Variants in DOCK4 observed in about 807,000 individuals in gnomAD.
DOCK4 encodes the protein dedicator of cytokinesis 4.
In DOCK4, 97 loss-of-function variants were observed where a neutral mutation model predicts 268.1. The ratio of observed to expected loss-of-function variants is 0.36; its 90% confidence interval spans 0.31 to 0.43. DOCK4 has a LOEUF of 0.43. Ranked by LOEUF, DOCK4 falls within the 20% of genes least tolerant of loss-of-function variation. DOCK4 has a pLI of 1.00. For synonymous variants in DOCK4, 954 were observed against 887.2 expected, an observed-to-expected ratio of 1.08 and a Z score of -1.34; for missense variants, 2,145 against 2,455.7, an observed-to-expected ratio of 0.87 and a Z score of 2.67.
Position 111,811,824 on chromosome 7 carries a change from A to G in DOCK4, c.3006+50T>C, listed in dbSNP as rs1411002846. ...AATGTTAGGTAATTTCCTATAATACAATGTGATTCTTTTAGCCCAAGCAGG... is the reference window on the plus strand; with the variant it reads ...AATGTTAGGTAATTTCCTATAATACGATGTGATTCTTTTAGCCCAAGCAGG... On this transcript the variant is annotated intron_variant, in intron 28 of 52. Coordinates refer to ENST00000428084, the MANE Select transcript of DOCK4 (RefSeq NM_001363540.2). The G allele has an allele frequency of 4.6e-6, 5 of 1,083,062 alleles. No individual in the cohort carries two copies. In the Admixed American group the frequency reaches 9.0e-5, roughly 19 times the overall value. The allele number at this position is 1,083,062 out of a possible 1,614,324, so 67.1% of individuals were successfully genotyped here. A position where few individuals can be genotyped will look rare whatever the true frequency, so the allele number is the denominator to read the frequency against.
At chr7:111,923,320 C>A (rs546680619) in intron 12 of DOCK4, among the ~76,000 whole-genome samples, 116 of 152,290 alleles carry the variant, frequency 7.6e-4, no homozygotes, top group African/African-American at 2.4e-3. Flanking sequence ...CAAGCAATGA[C>A]TGTAACAGTT....
At chr7:111,815,451 C>T (rs1215814773) in intron 27 of DOCK4, among the ~76,000 whole-genome samples, 3 of 152,046 alleles carry the variant, frequency 2.0e-5, no homozygotes, top group African/African-American at 7.2e-5. Flanking sequence ...TCAATTTATC[C>T]AAAACCATGT....
intron 8 of DOCK4, among the ~76,000 whole-genome samples, chr7:111,951,276 T>C (rs1175094096): frequency 6.6e-6 from 1 of 152,204 alleles, no homozygotes; most frequent in Non-Finnish European, 1.5e-5. Context: ...CTATGACTTA[T>C]GCCTTACATA....
At chr7:112,160,138 A>G (rs894407596) in intron 1 of DOCK4, among the ~76,000 whole-genome samples, 1 of 152,162 alleles carries the variant, frequency 6.6e-6, no homozygotes, top group Non-Finnish European at 1.5e-5. Context: ...CTCAACCTGT[A>G]TTCTCCTCTG....
intron 1 of DOCK4, among the ~76,000 whole-genome samples, chr7:112,190,114 G>A (rs1242383252): frequency 2.6e-4 from 39 of 152,228 alleles, no homozygotes; most frequent in Non-Finnish European, 4.7e-4. Context: ...GTATATAAAT[G>A]TAACAAATAA....
chr7:112,038,248 G>C (rs1255996117), intron 1 of DOCK4, among the ~76,000 whole-genome samples: 1 of 152,146 alleles, frequency 6.6e-6, no homozygotes, highest in African/African-American at 2.4e-5. Context: ...TTTATAAAAT[G>C]AGTACATCTC....
intron 26 of DOCK4, among the ~76,000 whole-genome samples, chr7:111,827,437 G>A (rs754175346): frequency 5.9e-5 from 9 of 152,126 alleles, no homozygotes; most frequent in African/African-American, 1.2e-4. Context: ...ACATGGTCTC[G>A]ACTCTCAATG....
intron 6 of DOCK4, among the ~76,000 whole-genome samples, chr7:111,987,852 A>C (rs1799173240): frequency 6.6e-6 from 1 of 152,216 alleles, no homozygotes; most frequent in African/African-American, 2.4e-5. Flanking sequence ...TGAATCTTCT[A>C]GAGATAAATG....
intron 1 of DOCK4, among the ~76,000 whole-genome samples, chr7:112,125,985 G>C (rs1042740344): frequency 4.6e-5 from 7 of 151,966 alleles, no homozygotes; most frequent in Admixed American, 1.3e-4. Flanking sequence ...ATTTTTTGTA[G>C]AGACGGGGCT....
chr7:111,803,001 AAAAG>A (rs1800417236), intron 30 of DOCK4, among the ~76,000 whole-genome samples: 1 of 152,276 alleles, frequency 6.6e-6, no homozygotes, highest in East Asian at 1.9e-4. Context: ...TCACACCTAA[AAAAG>A]AAATAAAAAT....
chr7:111,935,745 C>A, intron 11 of DOCK4, 117 bp from the exon 12 acceptor site: 1 of 804,330 alleles, frequency 1.2e-6, no homozygotes. Context: ...TTGAGGTCCC[C>A]ATCAACCTGC....
At chr7:111,978,391 C>T (rs543118656) in intron 7 of DOCK4, among the ~76,000 whole-genome samples, 2 of 152,176 alleles carry the variant, frequency 1.3e-5, no homozygotes, top group Admixed American at 6.5e-5. Flanking sequence ...GTTACCACAC[C>T]CAGCTAATTT....
intron 1 of DOCK4, among the ~76,000 whole-genome samples, chr7:112,125,450 T>G (rs1397365708): frequency 6.6e-6 from 1 of 152,244 alleles, no homozygotes; most frequent in Admixed American, 6.5e-5. Context: ...TGTCTCCCAA[T>G]GAATGCAGCA....
chr7:111,863,079 G>A, intron 23 of DOCK4: 1 of 307,210 alleles, frequency 3.3e-6, no homozygotes, highest in Non-Finnish European at 6.1e-6. Flanking sequence ...AAAAACAAAA[G>A]AGAAAAATAA....
At chr7:111,927,156 G>T (rs1345222617) in intron 12 of DOCK4, among the ~76,000 whole-genome samples, 1 of 152,070 alleles carries the variant, frequency 6.6e-6, no homozygotes, top group East Asian at 1.9e-4. Flanking sequence ...CTTCGAAGTG[G>T]GTAACTCTGT....
At chr7:112,055,601 T>C (rs1002433653) in intron 1 of DOCK4, among the ~76,000 whole-genome samples, 8 of 152,046 alleles carry the variant, frequency 5.3e-5, no homozygotes, top group East Asian at 1.9e-4. Flanking sequence ...AAAGACGAGA[T>C]AGAATTGGCT....
intron 11 of DOCK4, among the ~76,000 whole-genome samples, chr7:111,939,731 G>C (rs921459011): frequency 6.6e-6 from 1 of 152,156 alleles, no homozygotes; most frequent in African/African-American, 2.4e-5. Context: ...GAGTAGGATG[G>C]AAGTCATCTG....
chr7:112,157,538 T>A (rs770763215), intron 1 of DOCK4, among the ~76,000 whole-genome samples: 25 of 152,210 alleles, frequency 1.6e-4, no homozygotes, highest in Non-Finnish European at 5.9e-5. Context: ...ATAATTTTTA[T>A]AATAATTATT....
intron 21 of DOCK4, among the ~76,000 whole-genome samples, chr7:111,869,165 C>A (rs1232219409): frequency 6.6e-6 from 1 of 152,160 alleles, no homozygotes; most frequent in East Asian, 1.9e-4. Context: ...TCATTATAAT[C>A]CCCGCTAAGC....
Sources: allele counts gnomAD v4.1 joint callset (sites outside exome capture counted in the v4.1 genomes callset), GRCh38; gene constraint gnomAD v4.1.1; transcripts MANE v1.5; gene names NCBI Gene and HGNC (gene_info 2026-07-23, HGNC 2026-07-21).